METTL15: variants seen among roughly 807,000 people sequenced by gnomAD.
METTL15 encodes the protein 12S rRNA N(4)-cytidine methyltransferase METTL15.
METTL15 carries 34 observed loss-of-function variants against 38.3 expected under a neutral mutation model. The observed-to-expected ratio is 0.89, with a 90% confidence interval of 0.68 to 1.18. The LOEUF (loss-of-function observed/expected upper bound fraction) is 1.18, where lower values mean the gene tolerates loss of function less well. Ranked by LOEUF, METTL15 falls within the 50% of genes most tolerant of loss-of-function variation. The pLI, the probability that METTL15 is intolerant of heterozygous loss-of-function variation, is 0.00. For missense variants in METTL15, 438 were observed against 498.4 expected, an observed-to-expected ratio of 0.88 and a Z score of 1.15; for synonymous variants, 162 against 170.9, an observed-to-expected ratio of 0.95 and a Z score of 0.41.
At chr11:28,444,813 G>A (rs114315684) in intron 6 of METTL15, among the ~76,000 whole-genome samples, 2,654 of 152,212 alleles carry the variant, frequency 0.017, 92 homozygotes, top group African/African-American at 0.061. Context: ...TAGCCTACAC[G>A]GAAATAAACT....
chr11:28,344,040 G>A (rs1004301341), intron 3 of METTL15, among the ~76,000 whole-genome samples: 1 of 152,154 alleles, frequency 6.6e-6, no homozygotes, highest in African/African-American at 2.4e-5. Context: ...ATCATCAATA[G>A]CTTAATTTCC....
intron 5 of METTL15, among the ~76,000 whole-genome samples, chr11:28,377,512 G>T (rs1254875394): frequency 2.0e-5 from 3 of 151,938 alleles, no homozygotes; most frequent in African/African-American, 7.3e-5. Flanking sequence ...AGCTCCATCA[G>T]CTCCTTTAAG....
At chr11:28,249,241 C>T (rs185334626) in intron 4 of METTL15, among the ~76,000 whole-genome samples, 4 of 151,778 alleles carry the variant, frequency 2.6e-5, no homozygotes, top group Admixed American at 2.6e-4. Flanking sequence ...AACAGTGGTA[C>T]CTATCTTCAT....
At chr11:28,485,228 T>C (rs936234281) in intron 6 of METTL15, among the ~76,000 whole-genome samples, 31 of 136,604 alleles carry the variant, frequency 2.3e-4, no homozygotes, top group Non-Finnish European at 4.4e-4. Flanking sequence ...GTCTAACTTA[T>C]TGAATGCAAG....
At chr11:28,204,138 G>A (rs551683113) in intron 3 of METTL15, among the ~76,000 whole-genome samples, 32 of 152,134 alleles carry the variant, frequency 2.1e-4, no homozygotes, top group Admixed American at 1.7e-3. Flanking sequence ...GTTTTGCACT[G>A]ATGCTGCCAC....
chr11:28,236,674 T>C (rs1853994666), intron 4 of METTL15, among the ~76,000 whole-genome samples: 1 of 152,198 alleles, frequency 6.6e-6, no homozygotes, highest in African/African-American at 2.4e-5. Context: ...TGCTCATTAG[T>C]TGATGCAGTT....
rs571418320 is a variant in METTL15 at position 28,146,972 on chromosome 11, G to T, written c.270+33368G>T. ...AATTTTGCAAAGAGGGATTGATTAG[G>T]TGTTCTTCATGTTTATAGAAGAATA... On this transcript the variant is annotated intron_variant, in intron 3 of 6. Coordinates refer to ENST00000407364, the MANE Select transcript of METTL15 (RefSeq NM_001113528.2). 9.6e-4 allele frequency among the ~76,000 whole-genome samples: 146 copies of T among 151,928 alleles called. 2 individuals carry two copies. The South Asian group carries it at 0.029, about 31-fold the overall frequency.
At chr11:28,296,294 T>A (rs1331687930) in intron 5 of METTL15, among the ~76,000 whole-genome samples, 3 of 152,174 alleles carry the variant, frequency 2.0e-5, no homozygotes, top group African/African-American at 7.2e-5. Flanking sequence ...TCTCCACAAG[T>A]AATCAGTTAT....
intron 3 of METTL15, among the ~76,000 whole-genome samples, chr11:28,148,819 G>A (rs1042994673): frequency 1.3e-5 from 2 of 151,950 alleles, no homozygotes; most frequent in Non-Finnish European, 2.9e-5. Flanking sequence ...GTCCTGTCAA[G>A]TAGTATTCTT....
chr11:28,255,807 G>A (rs190234945), intron 4 of METTL15, among the ~76,000 whole-genome samples: 9 of 152,254 alleles, frequency 5.9e-5, no homozygotes, highest in Non-Finnish European at 8.8e-5. Context: ...AGGTTCAAGC[G>A]ATTCTCCTGC....
At chr11:28,504,057 G>A (rs1299223178) in intron 6 of METTL15, among the ~76,000 whole-genome samples, 7 of 151,806 alleles carry the variant, frequency 4.6e-5, no homozygotes, top group Non-Finnish European at 7.4e-5. Flanking sequence ...AATTAGCTGG[G>A]CGTGGTGGCA....
intron 3 of METTL15, among the ~76,000 whole-genome samples, chr11:28,192,511 G>A (rs1186000863): frequency 6.7e-6 from 1 of 148,642 alleles, no homozygotes; most frequent in Non-Finnish European, 1.5e-5. Context: ...TGTTTGATTT[G>A]TGTATCAGAG....
intron 4 of METTL15, among the ~76,000 whole-genome samples, chr11:28,247,441 A>C (rs1854559287): frequency 6.6e-6 from 1 of 152,102 alleles, no homozygotes; most frequent in Non-Finnish European, 1.5e-5. Context: ...ATTCCTTAGG[A>C]CACAGATTTT....
chr11:28,480,410 G>A (rs914216152), intron 6 of METTL15, among the ~76,000 whole-genome samples: 1 of 152,156 alleles, frequency 6.6e-6, no homozygotes, highest in African/African-American at 2.4e-5. Context: ...TTAAGAGCAT[G>A]TATTTATTGA....
chr11:28,356,962 C>A (rs1161109622), intron 4 of METTL15, among the ~76,000 whole-genome samples: 2 of 152,170 alleles, frequency 1.3e-5, no homozygotes, highest in Non-Finnish European at 2.9e-5. Context: ...GGACTCATTT[C>A]TCGAGGAGAC....
At chr11:28,401,060 T>TA (rs547316744) in intron 5 of METTL15, among the ~76,000 whole-genome samples, 12 of 152,000 alleles carry the variant, frequency 7.9e-5, no homozygotes, top group Non-Finnish European at 1.6e-4. Flanking sequence ...GAGCAAAAGA[T>TA]AGAGTTGTAT....
intron 5 of METTL15, among the ~76,000 whole-genome samples, chr11:28,378,527 GTGCACCCACTGACC>G (rs1564912524): frequency 6.6e-6 from 1 of 152,134 alleles, no homozygotes; most frequent in Non-Finnish European, 1.5e-5. Flanking sequence ...TGCACGGTGC[GTGCACCCACTGACC>G]TGCACCCACT....
chr11:28,250,166 A>G (rs916726854), intron 4 of METTL15, among the ~76,000 whole-genome samples: 6 of 152,080 alleles, frequency 3.9e-5, no homozygotes, highest in Non-Finnish European at 7.4e-5. Flanking sequence ...GCTATTGTGA[A>G]TAGTGCTGTG....
At chr11:28,325,034 C>T (rs887547595) in intron 6 of METTL15, among the ~76,000 whole-genome samples, 3 of 152,150 alleles carry the variant, frequency 2.0e-5, no homozygotes, top group Non-Finnish European at 4.4e-5. Flanking sequence ...TTAACTCTTT[C>T]TCTGGGCATG....
Sources: gnomAD v4.1 joint callset for allele counts (sites outside exome capture counted in the v4.1 genomes callset) on GRCh38, gnomAD v4.1.1 for gene constraint, MANE v1.5 for transcripts, NCBI Gene and HGNC (gene_info 2026-07-23, HGNC 2026-07-21) for gene names.